The following COL26A1 variants were observed in gnomAD, a reference collection of about 807,000 sequenced individuals.
The protein encoded by COL26A1 is collagen type XXVI alpha 1 chain, also known as collagen alpha-1(XXVI) chain.
In COL26A1, 41 loss-of-function variants were observed where a neutral mutation model predicts 59.3. That is an observed-to-expected ratio of 0.69 (90% confidence interval 0.54 to 0.90). The LOEUF (loss-of-function observed/expected upper bound fraction) is 0.90, where lower values mean the gene tolerates loss of function less well. Among genes scored for constraint, COL26A1 ranks in the 40% least tolerant of loss-of-function variants. The probability of loss-of-function intolerance (pLI) is 0.00; values close to 1 mark genes in which losing one functional copy is unlikely to be tolerated. For missense variants in COL26A1, 612 were observed against 602.3 expected, an observed-to-expected ratio of 1.02 and a Z score of -0.17; for synonymous variants, 266 against 256.0, an observed-to-expected ratio of 1.04 and a Z score of -0.37.
At chr7:101,450,872 C>T (rs1793318663) in intron 3 of COL26A1, among the ~76,000 whole-genome samples, 1 of 141,338 alleles carries the variant, frequency 7.1e-6, no homozygotes, top group Non-Finnish European at 1.5e-5. Flanking sequence ...GAATGATATA[C>T]AATTCTATAT....
intron 1 of COL26A1, among the ~76,000 whole-genome samples, chr7:101,387,595 C>T (rs1363723677): frequency 1.4e-5 from 2 of 146,760 alleles, no homozygotes; most frequent in Non-Finnish European, 3.0e-5. Context: ...CTCTGTCACC[C>T]AGGCTGGAGT....
At chr7:101,504,177 T>C (rs1340634219) in intron 3 of COL26A1, among the ~76,000 whole-genome samples, 1 of 152,162 alleles carries the variant, frequency 6.6e-6, no homozygotes, top group African/African-American at 2.4e-5. Flanking sequence ...CTCGGCTCAC[T>C]GCAACCTCTG....
chr7:101,428,585 T>C (rs759653814), intron 2 of COL26A1, among the ~76,000 whole-genome samples: 2 of 152,086 alleles, frequency 1.3e-5, no homozygotes, highest in Non-Finnish European at 2.9e-5. Flanking sequence ...AGTCGCTGGG[T>C]AGATGTAAAT....
chr7:101,365,286 C>T (rs1241834853), intron 1 of COL26A1, among the ~76,000 whole-genome samples: 1 of 152,162 alleles, frequency 6.6e-6, no homozygotes, highest in Non-Finnish European at 1.5e-5. Flanking sequence ...AAAATCAGAT[C>T]TACATCTAGG....
At chr7:101,421,011 C>T (rs1045298948) in intron 2 of COL26A1, among the ~76,000 whole-genome samples, 18 of 152,258 alleles carry the variant, frequency 1.2e-4, no homozygotes, top group East Asian at 9.7e-4. Context: ...ACCGTGGAGC[C>T]GCTGTCCTCA....
chr7:101,547,524 T>G (rs1198350596), intron 8 of COL26A1, among the ~76,000 whole-genome samples: 1 of 152,050 alleles, frequency 6.6e-6, no homozygotes, highest in Non-Finnish European at 1.5e-5. Context: ...CACACACCAG[T>G]GGGGGATGGG....
intron 3 of COL26A1, among the ~76,000 whole-genome samples, chr7:101,463,546 C>T (rs1340368659): frequency 1.4e-5 from 1 of 72,440 alleles, no homozygotes; most frequent in African/African-American, 7.1e-5. Context: ...CCCCTTCCCT[C>T]CCCTTTTCTT....
At chr7:101,449,505 A>G (rs1381639322) in intron 3 of COL26A1, among the ~76,000 whole-genome samples, 1 of 152,238 alleles carries the variant, frequency 6.6e-6, no homozygotes, top group Non-Finnish European at 1.5e-5. Context: ...ATGGTGGCTT[A>G]TGACTGTAAT....
chr7:101,552,314 T>A lies in COL26A1; in HGVS notation c.1030-1012T>A, dbSNP rs570534319. On this transcript the variant is annotated intron_variant, in intron 10 of 12. Coordinates refer to ENST00000313669, the MANE Select transcript of COL26A1 (RefSeq NM_001278563.3). ...ACACAGTAGTAGCTGGACATTTACA[T>A]GTTACTGTGAGCTGGGCATGGTGGT... Among the ~76,000 whole-genome samples, 187 of 152,300 alleles carry A rather than the reference T, an allele frequency of 1.2e-3. 1 individual carries two copies. The highest frequency in any genetic ancestry group is 4.3e-3 in the African/African-American group (177 of 41,568).
At chr7:101,463,704 T>C in intron 3 of COL26A1, among the ~76,000 whole-genome samples, 1 of 89,450 alleles carries the variant, frequency 1.1e-5, no homozygotes, top group Non-Finnish European at 2.3e-5. Flanking sequence ...TTTTTCTCTC[T>C]CTTTCTTTCT....
intron 3 of COL26A1, among the ~76,000 whole-genome samples, chr7:101,462,609 G>T (rs1355167727): frequency 6.6e-6 from 1 of 152,170 alleles, no homozygotes; most frequent in Admixed American, 6.5e-5. Flanking sequence ...GAGCCACCGT[G>T]CCCGGCCTTA....
intron 3 of COL26A1, among the ~76,000 whole-genome samples, chr7:101,477,795 T>TG (rs1440996018): frequency 2.0e-5 from 3 of 152,170 alleles, no homozygotes; most frequent in Non-Finnish European, 4.4e-5. Context: ...TCCAAGTACT[T>TG]GGTATGTTGC....
At chr7:101,489,666 T>TTTCTTTCTG in intron 3 of COL26A1, among the ~76,000 whole-genome samples, 1 of 54,918 alleles carries the variant, frequency 1.8e-5, no homozygotes, top group South Asian at 5.3e-4. Flanking sequence ...TCTTTCTTCC[T>TTTCTTTCTG]TCCTTCCTTC....
intron 3 of COL26A1, among the ~76,000 whole-genome samples, chr7:101,466,835 T>TGAGAGA (rs1554416669): frequency 1.2e-5 from 1 of 81,518 alleles, no homozygotes; most frequent in African/African-American, 4.6e-5. Flanking sequence ...TGTGTGTGTG[T>TGAGAGA]GTGAGAGAGA....
In COL26A1 at chr7:101,530,084, T is replaced by C. The variant is rs78492940; in HGVS notation, c.386-2998T>C. Reference sequence around the variant, plus strand: ...AGGTAGAGGAGAGGAGGTGGACAGATGGGGAGCAGGGTGAATGTATAGGTG... The same window carrying C: ...AGGTAGAGGAGAGGAGGTGGACAGACGGGGAGCAGGGTGAATGTATAGGTG... On this transcript the variant is annotated intron_variant, in intron 3 of 12. Transcript: ENST00000313669. 1.2e-3 allele frequency among the ~76,000 whole-genome samples: 183 copies of C among 152,044 alleles called. 2 individuals carry two copies. In the East Asian group the frequency reaches 0.033, roughly 28 times the overall value.
At chr7:101,548,293 C>T (rs1452346023) in intron 8 of COL26A1, among the ~76,000 whole-genome samples, 1 of 152,172 alleles carries the variant, frequency 6.6e-6, no homozygotes, top group Non-Finnish European at 1.5e-5. Context: ...GAGAGACCCT[C>T]CCTGGGCCCG....
intron 3 of COL26A1, among the ~76,000 whole-genome samples, chr7:101,506,014 G>T (rs1219307283): frequency 6.6e-6 from 1 of 152,166 alleles, no homozygotes; most frequent in Non-Finnish European, 1.5e-5. Flanking sequence ...TAGGACAGGA[G>T]AAGCCACACT....
rs1222296105 is a variant in COL26A1 at position 101,384,653 on chromosome 7, GTA to G, written c.158+21465_158+21466del. ...ACTCTTATAGTCTTCCAATGTGTGT[GTA>G]TGTGTGTTGGTCATTGTGTGTGTTA... On this transcript the variant is annotated intron_variant, in intron 1 of 12. Coordinates refer to ENST00000313669, the MANE Select transcript of COL26A1 (RefSeq NM_001278563.3). Among the ~76,000 whole-genome samples the G allele has an allele frequency of 3.0e-4, 45 of 152,282 alleles. No homozygotes were observed. The East Asian group carries it at 8.5e-3, about 29-fold the overall frequency.
rs771054673 is a variant in COL26A1, at chr7:101,536,813, C to T, written c.448-3080C>T. Among the ~76,000 whole-genome samples the T allele has an allele frequency of 3.3e-5, 5 of 152,348 alleles. No individual in the cohort carries two copies. The East Asian group carries it at 5.8e-4, about 18-fold the overall frequency. On this transcript the variant is annotated intron_variant, in intron 4 of 12. Transcript: ENST00000313669. ...TGGTGTCCAAAGAAGCCAGGCTCTT[C>T]GCTGACTTCTTAGTGAGCTGGTTGA...
Sources: allele counts gnomAD v4.1 joint callset (sites outside exome capture counted in the v4.1 genomes callset), GRCh38; gene constraint gnomAD v4.1.1; transcripts MANE v1.5; gene names NCBI Gene and HGNC (gene_info 2026-07-23, HGNC 2026-07-21).